HEATR4: variants seen among roughly 807,000 people sequenced by gnomAD.
The protein encoded by HEATR4 is HEAT repeat-containing protein 4.
In HEATR4, 95 loss-of-function variants were observed where a neutral mutation model predicts 108.8. The ratio of observed to expected loss-of-function variants is 0.87; its 90% CI spans 0.74 to 1.04. HEATR4 has a LOEUF of 1.04. HEATR4 is among the 50% of genes least tolerant of loss of function. The probability of loss-of-function intolerance (pLI) is 0.00; values close to 1 mark genes in which losing one functional copy is unlikely to be tolerated. For synonymous variants in HEATR4, 443 were observed against 459.4 expected, an observed-to-expected ratio of 0.96 and a Z score of 0.46; for missense variants, 1,152 against 1,253.8, an observed-to-expected ratio of 0.92 and a Z score of 1.23.
chr14:73,576,842 T>A, the HEATR4 span, among the ~76,000 whole-genome samples: 2 of 126,798 alleles, frequency 1.6e-5, no homozygotes, highest in Admixed American at 7.8e-5. Flanking sequence ...TATCACTTGA[T>A]ATAAATAGTT....
At chr14:73,569,933 G>T in the HEATR4 span, 2 of 1,561,376 alleles carry the variant, frequency 1.3e-6, no homozygotes, top group East Asian at 2.3e-5. Flanking sequence ...TTCACTTTGT[G>T]TGTCTCCCCC....
In HEATR4 at chr14:73,492,113, A is replaced by T; in HGVS notation, c.2844+953T>A. On this transcript the variant is annotated intron_variant, in intron 17 of 17. Coordinates refer to ENST00000553558, the MANE Select transcript of HEATR4 (RefSeq NM_001220484.1). This position sits in a 1 kb window ranked among gnomAD's most constrained non-coding sequence, Gnocchi z 4.9. ...GCGTGTATACCGACCCCGAGTCCCAACCGAGGAACTGGCTCTGACATCCAG... is the reference window on the plus strand; with the variant it reads ...GCGTGTATACCGACCCCGAGTCCCATCCGAGGAACTGGCTCTGACATCCAG... The T allele has an allele frequency of 6.2e-7, 1 of 1,613,876 alleles. No individual in the cohort carries two copies. The highest frequency in any genetic ancestry group is 8.5e-7 in the Non-Finnish European group (1 of 1,179,830).
At position 73,492,049 on chromosome 14, in the gene HEATR4, C is replaced by A; in HGVS notation, c.2844+1017G>T. 1 of 1,613,996 alleles carries A rather than the reference C, an allele frequency of 6.2e-7. No homozygotes were observed. The highest frequency in any genetic ancestry group is 1.1e-5 in the South Asian group (1 of 91,078). ...GCTTTGCCCCCCACTACGACGACAT[C>A]GAGGCCTTCGTGCTGCAGCTGGAAG... On this transcript the variant is annotated intron_variant, in intron 17 of 17. Transcript: ENST00000553558. This position sits in a 1 kb window ranked among gnomAD's most constrained non-coding sequence, Gnocchi z 4.9.
At chr14:73,603,503 T>G in the HEATR4 span, among the ~76,000 whole-genome samples, 1 of 151,992 alleles carries the variant, frequency 6.6e-6, no homozygotes, top group Non-Finnish European at 1.5e-5. Flanking sequence ...CACAGGCGCA[T>G]GCTACCATGC....
chr14:73,591,600 G>T, the HEATR4 span: 2 of 230,480 alleles, frequency 8.7e-6, no homozygotes, highest in Middle Eastern at 1.3e-3. Context: ...GCTGGAATTT[G>T]GCTTGATCTC....
chr14:73,480,568 T>TA (rs1008849728), intron 17 of HEATR4, among the ~76,000 whole-genome samples: 5 of 152,152 alleles, frequency 3.3e-5, no homozygotes, highest in Non-Finnish European at 7.3e-5. Flanking sequence ...GTATGTGAAA[T>TA]AAAAAATGAA....
At chr14:73,605,556 C>CTTTTTTTTTT in the HEATR4 span, among the ~76,000 whole-genome samples, 42 of 56,914 alleles carry the variant, frequency 7.4e-4, 4 homozygotes, top group East Asian at 1.2e-3. Context: ...CTGTAAGATT[C>CTTTTTTTTTT]TTTTTTTTTT....
intron 7 of HEATR4, 138 bp downstream of exon 7, chr14:73,511,868 A>T (rs908976644): frequency 1.1e-6 from 1 of 915,576 alleles, no homozygotes; most frequent in East Asian, 2.5e-5. Context: ...ATAAGCATGT[A>T]TATATAGGCC....
intron 5 of HEATR4, among the ~76,000 whole-genome samples, chr14:73,517,768 A>G (rs961578499): frequency 1.5e-4 from 22 of 150,518 alleles, no homozygotes; most frequent in African/African-American, 5.2e-4. Context: ...GAAGGAAAGG[A>G]AGGAAAAAAA....
At chr14:73,614,700 T>C in the HEATR4 span, among the ~76,000 whole-genome samples, 3 of 149,408 alleles carry the variant, frequency 2.0e-5, no homozygotes, top group Non-Finnish European at 1.5e-5. Flanking sequence ...TGAGCCAAGA[T>C]TGCGCCACTA....
the HEATR4 span, chr14:73,633,664 T>C: frequency 6.6e-6 from 1 of 152,192 alleles, no homozygotes; most frequent in African/African-American, 2.4e-5. Flanking sequence ...CACTTACCGT[T>C]AAAAATGCTT....
At chr14:73,587,138 AAAAC>A in the HEATR4 span, among the ~76,000 whole-genome samples, 2 of 93,344 alleles carry the variant, frequency 2.1e-5, no homozygotes, top group African/African-American at 5.1e-5. Context: ...GGTGTAAAAA[AAAAC>A]AAAAACAAAA....
chr14:73,600,034 CCTT>C, the HEATR4 span, among the ~76,000 whole-genome samples: 95 of 152,230 alleles, frequency 6.2e-4, no homozygotes, highest in African/African-American at 2.1e-3. Flanking sequence ...CCTTGAATAT[CCTT>C]CTTCTCAATC....
the HEATR4 span, among the ~76,000 whole-genome samples, chr14:73,579,573 CAAAAAAAAA>C: frequency 8.9e-5 from 5 of 56,210 alleles, no homozygotes; most frequent in Non-Finnish European, 1.6e-4. Flanking sequence ...AAAGCCGTCT[CAAAAAAAAA>C]AAAAAAAAAA....
the HEATR4 span, chr14:73,569,899 T>TA: frequency 6.3e-7 from 1 of 1,599,270 alleles, no homozygotes; most frequent in Non-Finnish European, 8.5e-7. Flanking sequence ...TCACCTCCGC[T>TA]AATTGTTCCG....
the HEATR4 span, chr14:73,580,861 T>G: frequency 2.0e-5 from 3 of 151,774 alleles, no homozygotes; most frequent in Non-Finnish European, 4.4e-5. Context: ...GAAAGGAAAC[T>G]CATATGCAGA....
At chr14:73,542,997 A>G in intron 1 of HEATR4, 1 of 1,240,470 alleles carries the variant, frequency 8.1e-7, no homozygotes, top group Non-Finnish European at 1.1e-6. Context: ...AACTCACCAT[A>G]TTCCACTGTT....
upstream of HEATR4, among the ~76,000 whole-genome samples, chr14:73,561,152 G>A (rs1050742396): frequency 4.6e-5 from 7 of 151,442 alleles, no homozygotes; most frequent in Admixed American, 2.0e-4. Context: ...GATCACCTGA[G>A]GTCAAAAGTT....
At chr14:73,508,318 G>C (rs755485745) in intron 8 of HEATR4, 24 bp from the exon 9 acceptor site, 1 of 1,610,852 alleles carries the variant, frequency 6.2e-7, no homozygotes, top group South Asian at 1.1e-5. Flanking sequence ...GTGAAAAAGA[G>C]TTCAGAATGG....
Sources: gnomAD v4.1 joint callset for allele counts (sites outside exome capture counted in the v4.1 genomes callset) on GRCh38, gnomAD v4.1.1 for gene constraint, Gnocchi (gnomAD v3.1) non-coding constraint, MANE v1.5 for transcripts, NCBI Gene and HGNC (gene_info 2026-07-23, HGNC 2026-07-21) for gene names.